COPS8: variants seen among roughly 807,000 people sequenced by gnomAD.
The protein encoded by COPS8 is COP9 signalosome subunit 8.
COPS8 carries 11 observed loss-of-function variants against 31.5 expected under a neutral mutation model. The observed-to-expected ratio is 0.35, with a 90% CI of 0.22 to 0.58. COPS8 has a LOEUF of 0.58. Ranked by LOEUF, COPS8 falls within the 20% of genes least tolerant of loss-of-function variation. COPS8 has a pLI of 0.83. For missense variants in COPS8, 215 were observed against 255.1 expected, an observed-to-expected ratio of 0.84 and a Z score of 1.07; for synonymous variants, 81 against 89.3, an observed-to-expected ratio of 0.91 and a Z score of 0.52.
chr2:237,097,383 T>C (rs1048622602), intron 7 of COPS8, among the ~76,000 whole-genome samples: 11 of 152,172 alleles, frequency 7.2e-5, no homozygotes, highest in Admixed American at 2.0e-4. Flanking sequence ...ATGATAAAAG[T>C]GTCTTTAACC....
chr2:237,092,875 A>G (rs540276792), intron 4 of COPS8, among the ~76,000 whole-genome samples: 1 of 152,340 alleles, frequency 6.6e-6, no homozygotes, highest in South Asian at 2.1e-4. Flanking sequence ...GATGCCATCA[A>G]CAAGCATGTA....
chr2:237,088,686 A>C (rs750929496), intron 3 of COPS8, 33 bp downstream of exon 3: 19 of 1,415,332 alleles, frequency 1.3e-5, no homozygotes, highest in Non-Finnish European at 1.5e-5. Flanking sequence ...TTACTGCTTT[A>C]ATGTAATGAC....
intron 4 of COPS8, among the ~76,000 whole-genome samples, chr2:237,091,113 T>TA (rs1559299350): frequency 6.6e-6 from 1 of 152,194 alleles, no homozygotes; most frequent in East Asian, 1.9e-4. Context: ...GGGAACTCCT[T>TA]ACTCGTTCAG....
chr2:237,086,332 C>T (rs1021203788), intron 1 of COPS8, among the ~76,000 whole-genome samples: 1 of 152,104 alleles, frequency 6.6e-6, no homozygotes, highest in African/African-American at 2.4e-5. Context: ...AGGCATCTTT[C>T]CTTCCCAGTA....
At chr2:237,091,133 T>C (rs1696699205) in intron 4 of COPS8, among the ~76,000 whole-genome samples, 1 of 152,170 alleles carries the variant, frequency 6.6e-6, no homozygotes, top group South Asian at 2.1e-4. Context: ...GCAAGCATTC[T>C]CTTGTGCACC....
Position 237,097,646 on chromosome 2 carries a change from G to C in COPS8, c.551-17G>C. The C allele has an allele frequency of 1.9e-6, 3 of 1,601,988 alleles. No individual in the cohort carries two copies. The highest frequency in any genetic ancestry group is 8.6e-7 in the Non-Finnish European group (1 of 1,169,560). On this transcript the variant is annotated splice_polypyrimidine_tract_variant and intron_variant, in intron 7 of 7. Coordinates refer to ENST00000354371, the MANE Select transcript of COPS8 (RefSeq NM_006710.5). ...GTGGTATGTAACATGAAGTGTGTTTGTTTCTTTAACATACAGAGCCTGCTC... is the reference window on the plus strand; with the variant it reads ...GTGGTATGTAACATGAAGTGTGTTTCTTTCTTTAACATACAGAGCCTGCTC...
chr2:237,093,597 C>T lies in COPS8; in HGVS notation c.332-493C>T, dbSNP rs943015947. Reference sequence around the variant, plus strand: ...GAATTTAGGATTTTGAACCTTAATTCAGTCAAGAGTTTGATGCAGACTTGG... The same window carrying T: ...GAATTTAGGATTTTGAACCTTAATTTAGTCAAGAGTTTGATGCAGACTTGG... On this transcript the variant is annotated intron_variant, in intron 4 of 7. Transcript: ENST00000354371. 5.7e-6 allele frequency: 4 copies of T among 696,406 alleles called. No homozygotes were observed. The African/African-American group carries it at 5.8e-5, about 10-fold the overall frequency. The allele number at this position is 696,406 out of a possible 1,614,324, so 43.1% of individuals were successfully genotyped here.
At chr2:237,097,347 C>T (rs1181531057) in intron 7 of COPS8, among the ~76,000 whole-genome samples, 1 of 150,498 alleles carries the variant, frequency 6.6e-6, no homozygotes, top group Non-Finnish European at 1.5e-5. Context: ...TCAAGAAGAG[C>T]TGTGATCTTT....
chr2:237,094,870 G>T (rs1696769979), intron 5 of COPS8, among the ~76,000 whole-genome samples: 1 of 152,166 alleles, frequency 6.6e-6, no homozygotes, highest in African/African-American at 2.4e-5. Context: ...GGAGGCTGAG[G>T]CAGGAGAATC....
chr2:237,093,925 C>T (rs538977110), intron 4 of COPS8, 165 bp from the exon 5 acceptor site: 561 of 1,330,296 alleles, frequency 4.2e-4, no homozygotes, highest in Non-Finnish European at 5.1e-4. Context: ...TTGAACCCCC[C>T]GTACATACTG....
At chr2:237,093,551 A>G (rs73999618) in intron 4 of COPS8, 6,078 of 357,476 alleles carry the variant, frequency 0.017, 118 homozygotes, top group Middle Eastern at 0.091. Flanking sequence ...GTCCCTTCTT[A>G]GAGTCATTCT....
chr2:237,099,507 C>A lies in COPS8; in HGVS notation c.*1765C>A, dbSNP rs774960538. On this transcript the variant is annotated 3_prime_UTR_variant, in exon 8 of 8. Transcript: ENST00000354371. ...TTTTTCATGATTAATTTCACAAAAT[C>A]TTGATATCTTTTTTATTATTAAAAG... 4 of 151,730 alleles carry A rather than the reference C, an allele frequency of 2.6e-5. No individual in the cohort carries two copies. Among genetic ancestry groups the A allele is most frequent in the Admixed American group, 6.6e-5 (1 of 15,248 alleles). The allele number at this position is 151,730 out of a possible 1,614,324, so 9.4% of individuals were successfully genotyped here.
chr2:237,091,837 C>T (rs1287106779), intron 4 of COPS8, among the ~76,000 whole-genome samples: 1 of 152,220 alleles, frequency 6.6e-6, no homozygotes, highest in Non-Finnish European at 1.5e-5. Flanking sequence ...AGAAGGTCAG[C>T]TGGAGCAAGG....
chr2:237,087,131 C>T lies in COPS8; in HGVS notation c.83C>T (p.Pro28Leu). 1 of 1,602,694 alleles carries T rather than the reference C, an allele frequency of 6.2e-7. No homozygotes were observed. The highest frequency in any genetic ancestry group is 1.3e-5 in the African/African-American group (1 of 74,612). ...DQCENQELEAPGGIATPPVYG... is the reference protein window; with the variant it reads ...DQCENQELEALGGIATPPVYG... Reference sequence around the variant, plus strand: ...TTTTCATTTTTGGCCTTCTAGGCCCCTGGAGGAATTGCTACACCCCCAGTG... The same window carrying T: ...TTTTCATTTTTGGCCTTCTAGGCCCTTGGAGGAATTGCTACACCCCCAGTG... The change falls in exon 2 of 8, where the codon CCT (proline) becomes CTT (leucine). Residue 28 changes from proline to leucine, a missense_variant. Physicochemically the swap from Pro to Leu is moderately conservative, Grantham distance 98. Transcript: ENST00000354371.
At chr2:237,093,925 C>G (rs538977110) in intron 4 of COPS8, 165 bp from the exon 5 acceptor site, 6 of 1,330,180 alleles carry the variant, frequency 4.5e-6, no homozygotes, top group Non-Finnish European at 5.8e-6. Context: ...TTGAACCCCC[C>G]GTACATACTG....
At chr2:237,093,141 G>A (rs899945277) in intron 4 of COPS8, among the ~76,000 whole-genome samples, 7 of 152,222 alleles carry the variant, frequency 4.6e-5, no homozygotes, top group Admixed American at 2.6e-4. Context: ...TTCAGGCCAC[G>A]GGATAGCATA....
chr2:237,095,540 A>G (rs1696784496), intron 5 of COPS8, among the ~76,000 whole-genome samples: 1 of 152,230 alleles, frequency 6.6e-6, no homozygotes, highest in African/African-American at 2.4e-5. Flanking sequence ...TTTAAATAAT[A>G]CTGATTAGGT....
At chr2:237,088,896 C>G (rs1345499127) in intron 3 of COPS8, among the ~76,000 whole-genome samples, 1 of 152,128 alleles carries the variant, frequency 6.6e-6, no homozygotes, top group Non-Finnish European at 1.5e-5. Context: ...TGCAGCTTCC[C>G]TAGTTAAACA....
At chr2:237,086,420 A>G (rs1220851093) in intron 1 of COPS8, among the ~76,000 whole-genome samples, 2 of 151,744 alleles carry the variant, frequency 1.3e-5, no homozygotes, top group Admixed American at 6.6e-5. Context: ...ACACACCGCA[A>G]CTCACACGCA....
Sources: allele counts gnomAD v4.1 joint callset (sites outside exome capture counted in the v4.1 genomes callset), GRCh38; gene constraint gnomAD v4.1.1; transcripts MANE v1.5; gene names NCBI Gene and HGNC (gene_info 2026-07-23, HGNC 2026-07-21).